Variants in EML1 observed in about 807,000 individuals in gnomAD.
The protein encoded by EML1 is EMAP like 1.
Under a neutral mutation model 110.4 loss-of-function variants are expected in EML1, and 27 were observed. The observed-to-expected ratio is 0.24, with a 90% CI of 0.18 to 0.34. The LOEUF (loss-of-function observed/expected upper bound fraction) is 0.34, where lower values mean the gene tolerates loss of function less well. Among genes scored for constraint, EML1 ranks in the 10% least tolerant of loss-of-function variants. The pLI, the probability that EML1 is intolerant of heterozygous loss-of-function variation, is 1.00. For synonymous variants in EML1, 344 were observed against 385.8 expected (o/e 0.89, Z 1.27); for missense variants, 741 against 1,030.9 (o/e 0.72, Z 3.85).
chr14:99,884,780 CCTT>C (rs1255824766), intron 4 of EML1, among the ~76,000 whole-genome samples: 14 of 152,318 alleles, frequency 9.2e-5, no homozygotes, highest in African/African-American at 3.1e-4. Flanking sequence ...AAGGCAAACA[CCTT>C]CTAGCACCTA....
rs144042548 is a variant in EML1, at chr14:99,927,639, C to T, written c.1909+6762C>T. On this transcript the variant is annotated intron_variant, in intron 17 of 21. Transcript: ENST00000262233. ...CTTTCCTTCATCTACAATTTTGGTA[C>T]CCAGTGGTAGAGTTCATATAGGAAA... 2.4e-3 allele frequency among the ~76,000 whole-genome samples: 365 copies of T among 151,876 alleles called. 1 individual carries two copies. Among genetic ancestry groups the T allele is most frequent in the African/African-American group, 8.4e-3 (348 of 41,354 alleles).
chr14:99,896,902 A>G (rs1410973810), intron 6 of EML1, among the ~76,000 whole-genome samples: 1 of 152,224 alleles, frequency 6.6e-6, no homozygotes, highest in Non-Finnish European at 1.5e-5. Context: ...AGCTTTCTAA[A>G]AATAAAACCA....
chr14:99,881,942 G>T (rs541553625), intron 4 of EML1, among the ~76,000 whole-genome samples: 57 of 152,232 alleles, frequency 3.7e-4, no homozygotes, highest in Admixed American at 2.0e-3. Context: ...TTGCTCCCAT[G>T]TCTCATTTTC....
chr14:99,914,810 A>G, intron 15 of EML1, 113 bp downstream of exon 15: 1 of 1,372,560 alleles, frequency 7.3e-7, no homozygotes, highest in Admixed American at 2.8e-5. Flanking sequence ...AGCAAATGTT[A>G]TTTATCTATT....
intron 17 of EML1, among the ~76,000 whole-genome samples, chr14:99,932,646 TAAA>T (rs10681463): frequency 1.5e-5 from 2 of 134,362 alleles, no homozygotes; most frequent in Non-Finnish European, 3.1e-5. Flanking sequence ...GACTCCATCT[TAAA>T]AAAAAAAAAA....
intron 1 of EML1, among the ~76,000 whole-genome samples, chr14:99,832,082 C>T (rs1334968309): frequency 7.2e-5 from 11 of 152,142 alleles, no homozygotes. Context: ...TGACCTGTCA[C>T]TATTGATTAG....
At chr14:99,739,091 T>TGAGAGA (rs1555385397) in intron 1 of EML1, among the ~76,000 whole-genome samples, 6 of 136,502 alleles carry the variant, frequency 4.4e-5, no homozygotes, top group Admixed American at 7.3e-5. Context: ...TGTGTGTGTG[T>TGAGAGA]GAGAGAGAGA....
At position 99,928,044 on chromosome 14, in the gene EML1, ATGGTGATGGTGGTGGTGGTGGTGGTGG is replaced by A. The variant is rs2060285476; in HGVS notation, c.1909+7173_1909+7199del. ...GGTGGTGGTGGTGGTGGTGGTGGTG[ATGGTGATGGTGGTGGTGGTGGTGGTGG>A]TGGTGGTGGTGATGGTGATGGTGGT... On this transcript the variant is annotated intron_variant, in intron 17 of 21. Transcript: ENST00000262233. Among the ~76,000 whole-genome samples, 4 of 1,308 alleles carry A rather than the reference ATGGTGATGGTGGTGGTGGTGGTGGTGG, an allele frequency of 3.1e-3. 2 individuals are homozygous for A. Among genetic ancestry groups the A allele is most frequent in the Admixed American group, 0.022 (2 of 92 alleles). 0.9% of individuals were successfully genotyped at this position (1,308 alleles called of 152,430 possible).
rs61612126 is a variant in EML1, at chr14:99,741,342, G to A, written c.28+3482G>A. Among the ~76,000 whole-genome samples, 1,137 of 152,186 alleles carry A rather than the reference G, an allele frequency of 7.5e-3. 22 individuals are homozygous for A. Among genetic ancestry groups the A allele is most frequent in the African/African-American group, 0.026 (1,089 of 41,506 alleles). On this transcript the variant is annotated intron_variant, in intron 1 of 10. Coordinates refer to the EML1 transcript ENST00000554479. ...GAGACATGGCTGCCCTTGCTGGTGCGTTTTGTAAGTGCGTGTGCTGGGAAG... is the reference window on the plus strand; with the variant it reads ...GAGACATGGCTGCCCTTGCTGGTGCATTTTGTAAGTGCGTGTGCTGGGAAG...
chr14:99,825,376 G>A (rs2058335176), intron 1 of EML1, among the ~76,000 whole-genome samples: 1 of 152,120 alleles, frequency 6.6e-6, no homozygotes, highest in African/African-American at 2.4e-5. Flanking sequence ...TGAACATGTG[G>A]GTGCTGATGT....
chr14:99,749,096 A>G (rs921848061), intron 1 of EML1, among the ~76,000 whole-genome samples: 5 of 152,250 alleles, frequency 3.3e-5, no homozygotes, highest in African/African-American at 1.2e-4. Context: ...CGCTTTGGCC[A>G]TGATGAGTAA....
chr14:99,842,817 G>T (rs2058653024), intron 1 of EML1, among the ~76,000 whole-genome samples: 1 of 152,256 alleles, frequency 6.6e-6, no homozygotes, highest in Admixed American at 6.5e-5. Context: ...GAAAATGCAA[G>T]GTTATACTAC....
At chr14:99,914,857 G>A (rs1431201196) in intron 15 of EML1, 160 bp downstream of exon 15, 2 of 944,374 alleles carry the variant, frequency 2.1e-6, no homozygotes, top group Non-Finnish European at 3.0e-6. Context: ...ATTTAACAGT[G>A]TTACTTTTAA....
rs2273705 is a variant in EML1, at chr14:99,897,501, G to A, written c.827+207G>A. 1.1e-4 allele frequency among the ~76,000 whole-genome samples: 16 copies of A among 152,212 alleles called. No individual in the cohort carries two copies. The East Asian group carries it at 3.1e-3, about 29-fold the overall frequency. On this transcript the variant is annotated intron_variant, in intron 7 of 21. Coordinates refer to ENST00000262233, the MANE Select transcript of EML1 (RefSeq NM_004434.3). ...GGACATAACTAAAGAGAAGGAAGAG[G>A]GTCTGAGGAAATGAGGTCTTTGGGA...
chr14:99,803,310 T>C (rs2057916027), intron 1 of EML1, among the ~76,000 whole-genome samples: 1 of 152,276 alleles, frequency 6.6e-6, no homozygotes, highest in Admixed American at 6.5e-5. Flanking sequence ...CTTCCCTGTG[T>C]GCTTGAAACA....
At chr14:99,886,896 C>T (rs1222592279) in intron 4 of EML1, among the ~76,000 whole-genome samples, 2 of 152,226 alleles carry the variant, frequency 1.3e-5, no homozygotes, top group Non-Finnish European at 2.9e-5. Context: ...GGAGCTTTAT[C>T]AGATGAGTAA....
chr14:99,898,473 A>G (rs995787362), intron 8 of EML1, among the ~76,000 whole-genome samples, 171 bp downstream of exon 8: 6 of 152,092 alleles, frequency 3.9e-5, no homozygotes, highest in African/African-American at 1.4e-4. Flanking sequence ...ATTGTGTGGC[A>G]GGGTGCGGTG....
At chr14:99,758,164 A>C (rs2057276453) in intron 1 of EML1, among the ~76,000 whole-genome samples, 1 of 152,226 alleles carries the variant, frequency 6.6e-6, no homozygotes. Context: ...CGCTGGGAAA[A>C]CATGCTGTCT....
At chr14:99,897,339 T>C in intron 7 of EML1, 45 bp downstream of exon 7, 3 of 1,541,102 alleles carry the variant, frequency 1.9e-6, no homozygotes, top group Non-Finnish European at 2.6e-6. Context: ...AAGGCGAAGG[T>C]AGGAGGATCG....
Sources: allele counts gnomAD v4.1 joint callset (sites outside exome capture counted in the v4.1 genomes callset), GRCh38; gene constraint gnomAD v4.1.1; transcripts MANE v1.5; gene names NCBI Gene and HGNC (gene_info 2026-07-23, HGNC 2026-07-21).